SCN7A: variants seen among roughly 807,000 people sequenced by gnomAD.
The protein encoded by SCN7A is sodium channel protein type 7 subunit alpha.
Under a neutral mutation model 155.2 loss-of-function variants are expected in SCN7A, and 138 were observed. That is an observed-to-expected ratio of 0.89 (90% CI 0.77 to 1.02). The LOEUF is 1.02. Ranked by LOEUF, SCN7A falls within the 50% of genes least tolerant of loss-of-function variation. The pLI is 0.00. For missense variants in SCN7A, 2,058 were observed against 1,986.6 expected, an observed-to-expected ratio of 1.04 and a Z score of -0.68; for synonymous variants, 693 against 649.0, an observed-to-expected ratio of 1.07 and a Z score of -1.03.
chr2:166,414,489 C>G (rs1447433702), intron 21 of SCN7A: 1 of 133,750 alleles, frequency 7.5e-6, no homozygotes, highest in Non-Finnish European at 1.5e-5. Flanking sequence ...ATATATATCT[C>G]CTATCCTATA....
rs534528003 is a variant in SCN7A at position 166,456,565 on chromosome 2, T to C, written c.1290+305A>G. Reference sequence around the variant, plus strand: ...ATGGCCACAAATTTCCTTCTTTTTATTTATACCCTTAGGAAATCTCTTTCC... The same window carrying C: ...ATGGCCACAAATTTCCTTCTTTTTACTTATACCCTTAGGAAATCTCTTTCC... On this transcript the variant is annotated intron_variant, in intron 11 of 25. Coordinates refer to ENST00000643258, the MANE Select transcript of SCN7A (RefSeq NM_002976.4). 1.6e-3 allele frequency among the ~76,000 whole-genome samples: 247 copies of C among 152,224 alleles called. 1 individual carries two copies. Among genetic ancestry groups the C allele is most frequent in the Middle Eastern group, 0.014 (4 of 294 alleles).
At chr2:166,460,629 A>G (rs1371796790) in intron 10 of SCN7A, among the ~76,000 whole-genome samples, 1 of 152,158 alleles carries the variant, frequency 6.6e-6, no homozygotes, top group Admixed American at 6.5e-5. Flanking sequence ...ATGGTTTCAC[A>G]GCATAAATTT....
chr2:166,405,809 T>C lies in SCN7A; in HGVS notation c.4820A>G (p.Asn1607Ser), dbSNP rs1701057074. The change falls in exon 26 of 26, where the codon AAC (asparagine) becomes AGC (serine). Residue 1607 changes from asparagine (N) to serine (S), a missense_variant. By Grantham distance (46) the Asn-to-Ser change is conservative. Transcript: ENST00000643258. ...SEIESGFLLA[N>S]PFKITCEPIT... ...TGGCTCACATGTGATCTTAAAAGGGTTGGCTAACAAAAACCCTGATTCTAT... is the reference window on the plus strand; with the variant it reads ...TGGCTCACATGTGATCTTAAAAGGGCTGGCTAACAAAAACCCTGATTCTAT... 5 of 1,613,074 alleles carry C rather than the reference T, an allele frequency of 3.1e-6. No individual in the cohort carries two copies. The highest frequency in any genetic ancestry group is 1.7e-4 in the Middle Eastern group (1 of 6,052).
chr2:166,474,003 T>C (rs914438720), intron 4 of SCN7A, 115 bp from the exon 5 acceptor site: 18 of 533,048 alleles, frequency 3.4e-5, no homozygotes, highest in Non-Finnish European at 5.2e-5. Context: ...ACAATGGGCA[T>C]TAATATTTGT....
chr2:166,449,953 C>T (rs1702143174), intron 11 of SCN7A, among the ~76,000 whole-genome samples: 1 of 152,102 alleles, frequency 6.6e-6, no homozygotes, highest in Admixed American at 6.6e-5. Context: ...AGCCAGCACC[C>T]CCAATACTGA....
chr2:166,477,903 A>T (rs1370154222), intron 2 of SCN7A, among the ~76,000 whole-genome samples, 193 bp from the exon 3 acceptor site: 36 of 152,058 alleles, frequency 2.4e-4, no homozygotes. Context: ...TTTCATGAGT[A>T]ACTCAGTCTG....
intron 20 of SCN7A, among the ~76,000 whole-genome samples, chr2:166,420,923 AAT>A (rs1257948200): frequency 6.6e-6 from 1 of 152,082 alleles, no homozygotes; most frequent in East Asian, 1.9e-4. Context: ...ATGGGGTAGA[AAT>A]ATATTTTTAA....
intron 11 of SCN7A, among the ~76,000 whole-genome samples, chr2:166,456,477 C>T (rs1256733995): frequency 6.6e-6 from 1 of 151,990 alleles, no homozygotes; most frequent in Non-Finnish European, 1.5e-5. Flanking sequence ...ACCACCATCA[C>T]TGAGAAAAGG....
intron 12 of SCN7A, among the ~76,000 whole-genome samples, chr2:166,445,675 G>C (rs11895309): frequency 0.013 from 1,933 of 152,170 alleles, 48 homozygotes; most frequent in African/African-American, 0.044. Flanking sequence ...CTCGGTGTGA[G>C]ACAACTAACC....
intron 23 of SCN7A, among the ~76,000 whole-genome samples, chr2:166,411,212 A>T (rs950593299): frequency 3.3e-5 from 5 of 152,000 alleles, no homozygotes; most frequent in Admixed American, 6.6e-5. Flanking sequence ...TACATGAAAA[A>T]TCCTAAAAAT....
At chr2:166,413,356 T>C (rs1162893028) in intron 21 of SCN7A, among the ~76,000 whole-genome samples, 3 of 150,658 alleles carry the variant, frequency 2.0e-5, no homozygotes, top group East Asian at 1.9e-4. Context: ...TAGAAAAAGA[T>C]AAATAGAGAA....
At chr2:166,431,799 TG>T (rs1701737155) in intron 16 of SCN7A, among the ~76,000 whole-genome samples, 2 of 152,172 alleles carry the variant, frequency 1.3e-5, no homozygotes, top group South Asian at 4.1e-4. Flanking sequence ...TGTCCAAATA[TG>T]GGCAGAAATG....
chr2:166,415,298 C>T (rs1701351880), intron 21 of SCN7A, among the ~76,000 whole-genome samples: 3 of 150,354 alleles, frequency 2.0e-5, no homozygotes, highest in Non-Finnish European at 4.4e-5. Flanking sequence ...GATCTCGGCT[C>T]ACTGCAACCT....
intron 15 of SCN7A, among the ~76,000 whole-genome samples, chr2:166,436,813 T>C (rs1559102707): frequency 6.6e-6 from 1 of 152,174 alleles, no homozygotes. Flanking sequence ...AGCTGTGCTT[T>C]AGCAAAGAGA....
At chr2:166,442,696 A>T (rs1701986078) in intron 14 of SCN7A, among the ~76,000 whole-genome samples, 1 of 152,166 alleles carries the variant, frequency 6.6e-6, no homozygotes, top group Non-Finnish European at 1.5e-5. Flanking sequence ...TATGAAAAAA[A>T]TTAATCATCT....
In SCN7A at chr2:166,441,806, C is replaced by A; in HGVS notation, c.1801-54G>T. 3 of 1,379,934 alleles carry A rather than the reference C, an allele frequency of 2.2e-6. No individual in the cohort carries two copies. The South Asian group carries it at 4.1e-5, about 19-fold the overall frequency. 85.5% of individuals were successfully genotyped at this position (1,379,934 alleles called of 1,614,324 possible). On this transcript the variant is annotated intron_variant, in intron 14 of 25. Transcript: ENST00000643258. ...AGAAACAAATGACAAAAAACTTGGTCAGTGTATATTACAAGGTACAGTGTT... is the reference window on the plus strand; with the variant it reads ...AGAAACAAATGACAAAAAACTTGGTAAGTGTATATTACAAGGTACAGTGTT...
intron 24 of SCN7A, 116 bp downstream of exon 24, chr2:166,410,103 TG>T: frequency 9.0e-7 from 1 of 1,117,184 alleles, no homozygotes; most frequent in Non-Finnish European, 1.2e-6. Context: ...AAAATGACCA[TG>T]AAAAGCTTTG....
intron 11 of SCN7A, among the ~76,000 whole-genome samples, chr2:166,454,568 T>G (rs1196636200): frequency 6.6e-6 from 1 of 152,174 alleles, no homozygotes. Context: ...CCTTTGGTAT[T>G]AATGTACCTT....
chr2:166,441,503 T>C lies in SCN7A; in HGVS notation c.2050A>G (p.Ile684Val), dbSNP rs763938068. 6.2e-7 allele frequency: 1 copy of C among 1,614,068 alleles called. No homozygotes were observed. The highest frequency in any genetic ancestry group is 8.5e-7 in the Non-Finnish European group (1 of 1,179,976). ...FFHSFLNVFR[I>V]LCGEWVETLW... ...GTCTCTACCCACTCTCCACAGAGAA[T>C]TCGGAACACATTCAGGAAGGAGTGG... Residue 684 changes from isoleucine (I) to valine (V), a missense_variant, in exon 15 of 26, where the codon ATT (isoleucine) becomes GTT (valine). Transcript: ENST00000643258.
Sources: allele counts gnomAD v4.1 joint callset (sites outside exome capture counted in the v4.1 genomes callset), GRCh38; gene constraint gnomAD v4.1.1; transcripts MANE v1.5; gene names NCBI Gene and HGNC (gene_info 2026-07-23, HGNC 2026-07-21).